Variants in FHIP1A observed in about 807,000 individuals in gnomAD.
The protein encoded by FHIP1A is FHF complex subunit HOOK interacting protein 1A, also known as FHF complex subunit HOOK-interacting protein 1A.
In FHIP1A, 61 loss-of-function variants were observed where a neutral mutation model predicts 88.6. The ratio of observed to expected loss-of-function variants is 0.69; its 90% CI spans 0.56 to 0.85. The LOEUF (loss-of-function observed/expected upper bound fraction) is 0.85, where lower values mean the gene tolerates loss of function less well. Ranked by LOEUF, FHIP1A falls within the 40% of genes least tolerant of loss-of-function variation. FHIP1A has a pLI of 0.00. For missense variants in FHIP1A, 1,154 were observed against 1,273.5 expected, an observed-to-expected ratio of 0.91 and a Z score of 1.43; for synonymous variants, 478 against 496.0, an observed-to-expected ratio of 0.96 and a Z score of 0.48.
At chr4:151,568,939 A>G (rs1332831039) in intron 4 of FHIP1A, among the ~76,000 whole-genome samples, 2 of 152,172 alleles carry the variant, frequency 1.3e-5, no homozygotes, top group Non-Finnish European at 2.9e-5. Context: ...TGGGACCAAA[A>G]GTAAGATAAG....
chr4:151,553,547 A>G (rs1732826948), intron 3 of FHIP1A, among the ~76,000 whole-genome samples: 1 of 152,120 alleles, frequency 6.6e-6, no homozygotes, highest in African/African-American at 2.4e-5. Context: ...AGTTTTGTTT[A>G]TATTTCTATC....
At chr4:151,460,558 G>T (rs1208725579) in intron 2 of FHIP1A, among the ~76,000 whole-genome samples, 2 of 152,182 alleles carry the variant, frequency 1.3e-5, no homozygotes, top group Non-Finnish European at 2.9e-5. Context: ...TATAGAGAGG[G>T]TCACTCTGTC....
chr4:151,519,613 A>G (rs1415294421), intron 3 of FHIP1A, among the ~76,000 whole-genome samples: 1 of 152,158 alleles, frequency 6.6e-6, no homozygotes, highest in African/African-American at 2.4e-5. Context: ...ATATATACAC[A>G]TCCACATTTA....
intron 7 of FHIP1A, among the ~76,000 whole-genome samples, chr4:151,596,649 T>C (rs115851243): frequency 6.6e-6 from 1 of 152,354 alleles, no homozygotes; most frequent in Non-Finnish European, 1.5e-5. Flanking sequence ...CCCGTCACTT[T>C]CAGGTACACC....
At chr4:151,472,148 A>T (rs910554570) in intron 2 of FHIP1A, among the ~76,000 whole-genome samples, 2 of 152,168 alleles carry the variant, frequency 1.3e-5, no homozygotes, top group African/African-American at 2.4e-5. Flanking sequence ...TAAGAAATAC[A>T]TATGTGATTA....
At chr4:151,423,890 A>T (rs1302977658) in intron 1 of FHIP1A, among the ~76,000 whole-genome samples, 2 of 152,192 alleles carry the variant, frequency 1.3e-5, no homozygotes. Context: ...CTGTGGTCAA[A>T]CTCTTCAAGA....
intron 3 of FHIP1A, among the ~76,000 whole-genome samples, chr4:151,486,573 G>C (rs1324347555): frequency 6.6e-6 from 1 of 151,974 alleles, no homozygotes. Flanking sequence ...TGGCTCTTTG[G>C]GTTTAGTAAC....
chr4:151,524,479 G>C (rs533796494), intron 3 of FHIP1A, among the ~76,000 whole-genome samples: 1 of 152,056 alleles, frequency 6.6e-6, no homozygotes, highest in East Asian at 1.9e-4. Flanking sequence ...ATCAGGACTG[G>C]TATCGAAGTG....
intron 7 of FHIP1A, among the ~76,000 whole-genome samples, chr4:151,626,106 G>A (rs1316396551): frequency 1.3e-5 from 2 of 152,168 alleles, no homozygotes; most frequent in East Asian, 3.8e-4. Flanking sequence ...TATATTTAAT[G>A]TATCACATTA....
intron 1 of FHIP1A, among the ~76,000 whole-genome samples, chr4:151,413,232 G>T (rs1057277017): frequency 6.6e-6 from 1 of 152,094 alleles, no homozygotes; most frequent in Non-Finnish European, 1.5e-5. Flanking sequence ...AGGAATTTTG[G>T]CAATGTCTAA....
intron 3 of FHIP1A, among the ~76,000 whole-genome samples, chr4:151,524,561 G>A (rs999449235): frequency 6.6e-6 from 1 of 152,168 alleles, no homozygotes; most frequent in African/African-American, 2.4e-5. Flanking sequence ...CAGCTGCTGT[G>A]CTCTCAACTT....
chr4:151,501,805 T>G (rs1263166305), intron 3 of FHIP1A, among the ~76,000 whole-genome samples: 1 of 151,388 alleles, frequency 6.6e-6, no homozygotes, highest in Non-Finnish European at 1.5e-5. Context: ...GTAAGAGTTT[T>G]TTTTTTTTTT....
intron 3 of FHIP1A, among the ~76,000 whole-genome samples, chr4:151,501,742 A>G (rs1168893630): frequency 6.6e-6 from 1 of 150,908 alleles, no homozygotes; most frequent in African/African-American, 2.4e-5. Context: ...ATGTCTATTC[A>G]AGGTCCTTTG....
intron 7 of FHIP1A, among the ~76,000 whole-genome samples, chr4:151,592,391 C>T (rs940487266): frequency 1.3e-5 from 2 of 152,192 alleles, no homozygotes; most frequent in African/African-American, 4.8e-5. Context: ...GCCTCAGCCT[C>T]CCAAAGTGCT....
chr4:151,556,652 T>G (rs77345374), intron 3 of FHIP1A, among the ~76,000 whole-genome samples: 4,255 of 152,256 alleles, frequency 0.028, 91 homozygotes, highest in Non-Finnish European at 0.042. Context: ...AGTCATTTCA[T>G]TCATTGTATA....
Position 151,586,068 on chromosome 4 carries a change from AAG to A in FHIP1A, c.733-572_733-571del, listed in dbSNP as rs1172001027. On this transcript the variant is annotated intron_variant, in intron 5 of 13. Transcript: ENST00000435205. ...AGATCAAATGAGAAAATATACGTGG[AAG>A]TGCTTTGTAAACTGCAAACATGCAG... 2.0e-5 allele frequency among the ~76,000 whole-genome samples: 3 copies of A among 152,112 alleles called. No homozygotes were observed. The East Asian group carries it at 5.8e-4, about 29-fold the overall frequency.
chr4:151,417,782 A>G (rs1269140882), intron 1 of FHIP1A, among the ~76,000 whole-genome samples: 5 of 152,158 alleles, frequency 3.3e-5, no homozygotes, highest in East Asian at 3.8e-4. Context: ...TCACTATTTG[A>G]TAAGTTGAAT....
chr4:151,659,561 A>G lies in FHIP1A; in HGVS notation c.2869+2663A>G, dbSNP rs552833548. Among the ~76,000 whole-genome samples, 9 of 152,360 alleles carry G rather than the reference A, an allele frequency of 5.9e-5. No individual in the cohort carries two copies. The South Asian group carries it at 1.9e-3, about 32-fold the overall frequency. On this transcript the variant is annotated intron_variant, in intron 13 of 13. Transcript: ENST00000435205. ...TCCTCACTTCTGAAATCTTCCCAGT[A>G]TTAGTCTTGAAAACCTTGTGTTGCA...
chr4:151,563,418 T>C (rs181294335), intron 3 of FHIP1A, among the ~76,000 whole-genome samples: 2 of 152,300 alleles, frequency 1.3e-5, no homozygotes, highest in African/African-American at 4.8e-5. Flanking sequence ...TTTGAGTCAA[T>C]GTGCATGTGT....
Sources: allele counts gnomAD v4.1 joint callset (sites outside exome capture counted in the v4.1 genomes callset), GRCh38; gene constraint gnomAD v4.1.1; transcripts MANE v1.5; gene names NCBI Gene and HGNC (gene_info 2026-07-23, HGNC 2026-07-21).